Variants in BAHCC1 observed in about 807,000 individuals in gnomAD.
BAHCC1 encodes the protein BAH and coiled-coil domain-containing protein 1.
BAHCC1 carries 43 observed loss-of-function variants against 88.2 expected under a neutral mutation model. That is an observed-to-expected ratio of 0.49 (90% CI 0.38 to 0.63). The LOEUF is 0.63. Among genes scored for constraint, BAHCC1 ranks in the 20% least tolerant of loss-of-function variants. BAHCC1 has a pLI of 0.00. For synonymous variants in BAHCC1, 1,510 were observed against 745.5 expected (o/e 2.03, Z -16.71); for missense variants, 3,023 against 1,654.8 (o/e 1.83, Z -14.34).
chr17:81,459,269 G>A lies in BAHCC1; in HGVS notation c.5737G>A (p.Glu1913Lys), dbSNP rs782214674. 29 of 779,466 alleles carry A rather than the reference G, an allele frequency of 3.7e-5. No homozygotes were observed. Among genetic ancestry groups the A allele is most frequent in the African/African-American group, 3.4e-4 (20 of 59,240 alleles). The allele number at this position is 779,466 out of a possible 1,614,324, so 48.3% of individuals were successfully genotyped here. Reference sequence around the variant, plus strand: ...TGCCCCCAGCTATAGCATCGTCATCGAGGGCGAGAGGGGCAACCGGCAGAG... The same window carrying A: ...TGCCCCCAGCTATAGCATCGTCATCAAGGGCGAGAGGGGCAACCGGCAGAG... ...QPPDIYSIVI[E>K]GERGNRQRIY... Residue 1913 changes from glutamate to lysine, a missense_variant, in exon 22 of 28, where the codon GAG (glutamate) becomes AAG (lysine). By Grantham distance (56) the Glu-to-Lys change is moderately conservative (BLOSUM62 1). Coordinates refer to ENST00000675386, the MANE Select transcript of BAHCC1 (RefSeq NM_001377448.1).
At chr17:81,458,789 A>G (rs781822907) in intron 19 of BAHCC1, 24 bp from the exon 20 acceptor site, 2 of 761,110 alleles carry the variant, frequency 2.6e-6, no homozygotes, top group South Asian at 2.7e-5. Flanking sequence ...CACCCCACCC[A>G]AGCCTGACTC....
Position 81,464,291 on chromosome 17 carries a change from C to T in BAHCC1, c.*474C>T, listed in dbSNP as rs782318281. 141 of 228,676 alleles carry T rather than the reference C, an allele frequency of 6.2e-4. No homozygotes were observed. The highest frequency in any genetic ancestry group is 1.0e-3 in the Non-Finnish European group (118 of 113,948). The allele number at this position is 228,676 out of a possible 1,614,324, so 14.2% of individuals were successfully genotyped here. ...ATCCGCGTGACAAGGTGTGTGTGAGCGTGTATGTGTGTGCGCGTGTGTGGC... is the reference window on the plus strand; with the variant it reads ...ATCCGCGTGACAAGGTGTGTGTGAGTGTGTATGTGTGTGCGCGTGTGTGGC... On this transcript the variant is annotated 3_prime_UTR_variant, in exon 28 of 28. Coordinates refer to ENST00000675386, the MANE Select transcript of BAHCC1 (RefSeq NM_001377448.1).
intron 26 of BAHCC1, 91 bp downstream of exon 26, chr17:81,462,137 C>A: frequency 1.6e-6 from 1 of 623,272 alleles, no homozygotes; most frequent in Non-Finnish European, 2.9e-6. Context: ...TCTCCTTTTT[C>A]ATCTTCCTAC....
intron 2 of BAHCC1, among the ~76,000 whole-genome samples, chr17:81,413,891 C>T (rs531146470): frequency 3.9e-5 from 6 of 152,292 alleles, no homozygotes; most frequent in South Asian, 2.1e-4. Flanking sequence ...TTTCTCCTTC[C>T]GTTTCTGCAT....
intron 14 of BAHCC1, among the ~76,000 whole-genome samples, 193 bp from the exon 15 acceptor site, chr17:81,455,074 G>A (rs1555656881): frequency 1.3e-5 from 2 of 152,194 alleles, no homozygotes; most frequent in Non-Finnish European, 1.5e-5. Flanking sequence ...GGGGCTGGCT[G>A]CAGGCAGGTG....
Position 81,410,816 on chromosome 17 carries a change from G to A in BAHCC1, c.178+10899G>A, listed in dbSNP as rs782811407. Among the ~76,000 whole-genome samples the A allele has an allele frequency of 5.3e-5, 8 of 152,076 alleles. No homozygotes were observed. In the East Asian group the frequency reaches 5.8e-4, roughly 11 times the overall value. ...GAGCTGGAAGAGCAAAGATGTCCCC[G>A]TATCCCCCCAGTCTCGGGGCGGGGG... On this transcript the variant is annotated intron_variant, in intron 2 of 27. Coordinates refer to ENST00000675386, the MANE Select transcript of BAHCC1 (RefSeq NM_001377448.1).
Position 81,466,154 on chromosome 17 carries a change from G to T in BAHCC1, c.*2337G>T, listed in dbSNP as rs1031378179. On this transcript the variant is annotated 3_prime_UTR_variant, in exon 28 of 28. Coordinates refer to ENST00000675386, the MANE Select transcript of BAHCC1 (RefSeq NM_001377448.1). Reference sequence around the variant, plus strand: ...TTAACGTGACGAAGGCACGATTCCTGTAAATGTGTAAACTAAGGGGATGGT... The same window carrying T: ...TTAACGTGACGAAGGCACGATTCCTTTAAATGTGTAAACTAAGGGGATGGT... 2 of 152,476 alleles carry T rather than the reference G, an allele frequency of 1.3e-5. No homozygotes were observed. The highest frequency in any genetic ancestry group is 4.8e-5 in the African/African-American group (2 of 41,426). The allele number at this position is 152,476 out of a possible 1,614,324, so 9.4% of individuals were successfully genotyped here.
Position 81,442,981 on chromosome 17 carries a change from C to A in BAHCC1, c.1632C>A (p.Ile544=), listed in dbSNP as rs782184927. The A allele has an allele frequency of 3.9e-6, 3 of 779,096 alleles. No homozygotes were observed. The highest frequency in any genetic ancestry group is 7.2e-6 in the Non-Finnish European group (3 of 417,856). The allele number at this position is 779,096 out of a possible 1,614,324, so 48.3% of individuals were successfully genotyped here. A position where few individuals can be genotyped will look rare whatever the true frequency, so the allele number is the denominator to read the frequency against. ...GPPGAQKVAR[I]RHQQHLMAAE... ...CAGGGGCACAGAAGGTGGCCCGCAT[C>A]AGGCACCAGCAGCACTTGATGGCCG... The change falls in exon 5 of 28, where the codon ATC becomes ATA. Residue 544 remains isoleucine, a synonymous_variant. Coordinates refer to ENST00000675386, the MANE Select transcript of BAHCC1 (RefSeq NM_001377448.1).
intron 1 of BAHCC1, among the ~76,000 whole-genome samples, chr17:81,398,934 A>T (rs1449217172): frequency 9.3e-5 from 12 of 128,446 alleles, no homozygotes; most frequent in East Asian, 2.1e-4. Flanking sequence ...GAAGGTTATT[A>T]AAAAAAAAAA....
intron 2 of BAHCC1, chr17:81,402,409 C>G (rs543554506): frequency 2.0e-5 from 3 of 152,154 alleles, no homozygotes; most frequent in Admixed American, 6.5e-5. Flanking sequence ...TTGCTTTGGT[C>G]TGTGTCTATA....
Position 81,463,813 on chromosome 17 carries a change from G to A in BAHCC1, c.7823G>A (p.Cys2608Tyr), listed in dbSNP as rs1555660137. ...ACGGCTGATGGCGTGCCCATCCTATGCTGAGCCGCCCACCGCAGATGCCTC... is the reference window on the plus strand; with the variant it reads ...ACGGCTGATGGCGTGCCCATCCTATACTGAGCCGCCCACCGCAGATGCCTC... The part of the protein sequence containing the change: ...LVTADGVPIL[C>Y] The change falls in exon 28 of 28, where the codon TGC becomes TAC. Residue 2608 changes from cysteine (C) to tyrosine (Y), a missense_variant. Coordinates refer to ENST00000675386, the MANE Select transcript of BAHCC1 (RefSeq NM_001377448.1). 2.7e-6 allele frequency: 2 copies of A among 727,304 alleles called. No individual in the cohort carries two copies. 45.1% of individuals were successfully genotyped at this position (727,304 alleles called of 1,614,324 possible). A position where few individuals can be genotyped will look rare whatever the true frequency, so the allele number is the denominator to read the frequency against.
chr17:81,459,595 G>C lies in BAHCC1; in HGVS notation c.5896G>C (p.Val1966Leu). ...GTCTCGATGTCTGTACCCGGGCAAC[G>C]TGGTCCGGGGTAAGTTGCACCCAAA... ...QKSRCLYPGN[V>L]VRGASGDEDE... is the part of the protein sequence containing the mutation. The change falls in exon 23 of 28, where the codon GTG (valine) becomes CTG (leucine). Residue 1966 changes from valine to leucine, a missense_variant. Physicochemically the swap from Val to Leu is conservative, Grantham distance 32 (BLOSUM62 1). Coordinates refer to ENST00000675386, the MANE Select transcript of BAHCC1 (RefSeq NM_001377448.1). 1 of 779,660 alleles carries C rather than the reference G, an allele frequency of 1.3e-6. No homozygotes were observed. The highest frequency in any genetic ancestry group is 2.4e-6 in the Non-Finnish European group (1 of 417,906). 48.3% of individuals were successfully genotyped at this position (779,660 alleles called of 1,614,324 possible).
rs2030639668 is a variant in BAHCC1, at chr17:81,465,447, G to C, written c.*1630G>C. On this transcript the variant is annotated 3_prime_UTR_variant, in exon 28 of 28. Coordinates refer to ENST00000675386, the MANE Select transcript of BAHCC1 (RefSeq NM_001377448.1). ...TTCTCCCACAGCCAAGGACAGACAGGCTGCCTGGACCTGAGCCCAACAGCC... is the reference window on the plus strand; with the variant it reads ...TTCTCCCACAGCCAAGGACAGACAGCCTGCCTGGACCTGAGCCCAACAGCC... 6.6e-6 allele frequency: 1 copy of C among 152,386 alleles called. No individual in the cohort carries two copies. The highest frequency in any genetic ancestry group is 2.4e-5 in the African/African-American group (1 of 41,442). The allele number at this position is 152,386 out of a possible 1,614,324, so 9.4% of individuals were successfully genotyped here.
rs1379335759 is a variant in BAHCC1 at position 81,461,868 on chromosome 17, C to T, written c.7205C>T (p.Ala2402Val). 4.4e-5 allele frequency: 32 copies of T among 723,234 alleles called. No homozygotes were observed. Among genetic ancestry groups the T allele is most frequent in the South Asian group, 1.5e-4 (10 of 68,046 alleles). 44.8% of individuals were successfully genotyped at this position (723,234 alleles called of 1,614,324 possible). Reference protein sequence around the residue: ...LSRATVAGTGAGSGPSSSSKS... With the variant: ...LSRATVAGTGVGSGPSSSSKS... Reference sequence around the variant, plus strand: ...AGGGCCACGGTGGCTGGCACCGGTGCGGGCTCAGGCCCCAGCAGCAGCAGC... The same window carrying T: ...AGGGCCACGGTGGCTGGCACCGGTGTGGGCTCAGGCCCCAGCAGCAGCAGC... The change falls in exon 26 of 28, where the codon GCG becomes GTG. Residue 2402 changes from alanine (A) to valine (V), a missense_variant. Transcript: ENST00000675386.
chr17:81,399,831 C>T lies in BAHCC1; in HGVS notation c.92C>T (p.Ala31Val), dbSNP rs2063790924. 7.4e-7 allele frequency: 1 copy of T among 1,346,930 alleles called. No individual in the cohort carries two copies. Among genetic ancestry groups the T allele is most frequent in the Admixed American group, 3.8e-5 (1 of 26,532 alleles). The allele number at this position is 1,346,930 out of a possible 1,614,324, so 83.4% of individuals were successfully genotyped here. The change falls in exon 2 of 28, where the codon GCC (alanine) becomes GTC (valine). Residue 31 changes from alanine (A) to valine (V), a missense_variant. By Grantham distance (64) the Ala-to-Val change is moderately conservative (BLOSUM62 0). Transcript: ENST00000675386. The surrounding 1 kb of genome is among the most constrained non-coding windows in gnomAD (Gnocchi z 4.5). ...AGCGCCGCTGCCGCCGCGCGTCTCGCCCCGGCTGGGCCCGCCGCGCAGCCC... is the reference window on the plus strand; with the variant it reads ...AGCGCCGCTGCCGCCGCGCGTCTCGTCCCGGCTGGGCCCGCCGCGCAGCCC... ...HRSAAAAARL[A>V]PAGPAAQPPA...
chr17:81,428,681 C>T (rs1214012874), intron 3 of BAHCC1, among the ~76,000 whole-genome samples: 1 of 152,218 alleles, frequency 6.6e-6, no homozygotes, highest in African/African-American at 2.4e-5. Flanking sequence ...GGGGGCTGCT[C>T]AGAGGGTGGG....
chr17:81,437,102 G>A (rs911264246), intron 3 of BAHCC1, among the ~76,000 whole-genome samples: 2 of 152,216 alleles, frequency 1.3e-5, no homozygotes, highest in Non-Finnish European at 2.9e-5. Flanking sequence ...TGGACTAGGG[G>A]GCCTGTTTTC....
Position 81,461,146 on chromosome 17 carries a change from G to C in BAHCC1, c.6483G>C (p.Leu2161=), listed in dbSNP as rs782684796. The part of the protein sequence containing the change: ...NGFRADSFSS[L]ASSYAPFVGG... ...TCCGCGCCGACTCCTTCAGCAGCCT[G>C]GCCAGCTCCTACGCGCCCTTCGTCG... The change falls in exon 26 of 28, where the codon CTG becomes CTC. Residue 2161 remains leucine (L), a synonymous_variant. Coordinates refer to ENST00000675386, the MANE Select transcript of BAHCC1 (RefSeq NM_001377448.1). 2 of 761,722 alleles carry C rather than the reference G, an allele frequency of 2.6e-6. No homozygotes were observed. Among genetic ancestry groups the C allele is most frequent in the Non-Finnish European group, 4.8e-6 (2 of 415,052 alleles). The allele number at this position is 761,722 out of a possible 1,614,324, so 47.2% of individuals were successfully genotyped here. A position where few individuals can be genotyped will look rare whatever the true frequency, so the allele number is the denominator to read the frequency against.
rs1173252565 is a variant in BAHCC1 at position 81,461,486 on chromosome 17, G to C, written c.6823G>C (p.Ala2275Pro). 2.7e-6 allele frequency: 2 copies of C among 743,760 alleles called. No homozygotes were observed. 46.1% of individuals were successfully genotyped at this position (743,760 alleles called of 1,614,324 possible). Residue 2275 changes from alanine to proline, a missense_variant, in exon 26 of 28, where the codon GCG becomes CCG. Transcript: ENST00000675386. ...CATGGGGCTGGCGCTGCGCAAGTACGCGGGCCAGGCAGAGTTCCCGCTGCC... is the reference window on the plus strand; with the variant it reads ...CATGGGGCTGGCGCTGCGCAAGTACCCGGGCCAGGCAGAGTTCCCGCTGCC... Reference protein sequence around the residue: ...LPMGLALRKYAGQAEFPLPYD... With the variant: ...LPMGLALRKYPGQAEFPLPYD...
Sources: allele counts gnomAD v4.1 joint callset (sites outside exome capture counted in the v4.1 genomes callset), GRCh38; gene constraint gnomAD v4.1.1; non-coding constraint Gnocchi (gnomAD v3.1); transcripts MANE v1.5; gene names NCBI Gene and HGNC (gene_info 2026-07-23, HGNC 2026-07-21).